Variants in GTF2H1 observed in about 807,000 individuals in gnomAD.
GTF2H1 encodes general transcription factor IIH subunit 1.
A neutral mutation model predicts 71.2 loss-of-function variants in GTF2H1; 16 were observed. The observed-to-expected ratio is 0.22, with a 90% confidence interval of 0.15 to 0.34. GTF2H1 has a LOEUF of 0.34. GTF2H1 is among the 10% of genes least tolerant of loss of function. The pLI is 1.00. For missense variants in GTF2H1, 498 were observed against 648.2 expected, an observed-to-expected ratio of 0.77 and a Z score of 2.52; for synonymous variants, 215 against 219.0, an observed-to-expected ratio of 0.98 and a Z score of 0.16.
intron 5 of GTF2H1, among the ~76,000 whole-genome samples, chr11:18,340,896 A>C (rs1429488665): frequency 6.6e-6 from 1 of 152,158 alleles, no homozygotes; most frequent in African/African-American, 2.4e-5. Context: ...AGTCCAGTGG[A>C]TATTGAGATC....
At chr11:18,338,696 A>G (rs1316794988) in intron 4 of GTF2H1, among the ~76,000 whole-genome samples, 1 of 152,174 alleles carries the variant, frequency 6.6e-6, no homozygotes, top group Non-Finnish European at 1.5e-5. Context: ...AGTTCCTCCC[A>G]TCTTAGCCTC....
chr11:18,366,528 G>A lies in GTF2H1; in HGVS notation c.*659G>A, dbSNP rs556127665. ...TGTGTTTCCTACGGAAATAAGAAAC[G>A]ATAAATATTGCACTGAATGTTTGTG... On this transcript the variant is annotated 3_prime_UTR_variant, in exon 15 of 15. Coordinates refer to ENST00000265963, the MANE Select transcript of GTF2H1 (RefSeq NM_005316.4). The A allele has an allele frequency of 2.0e-5, 3 of 152,722 alleles. No homozygotes were observed. The highest frequency in any genetic ancestry group is 4.1e-4 in the South Asian group (2 of 4,828). 9.5% of individuals were successfully genotyped at this position (152,722 alleles called of 1,614,324 possible). A position where few individuals can be genotyped will look rare whatever the true frequency, so the allele number is the denominator to read the frequency against.
At chr11:18,357,252 G>T (rs1865576695) in intron 11 of GTF2H1, among the ~76,000 whole-genome samples, 1 of 152,092 alleles carries the variant, frequency 6.6e-6, no homozygotes, top group African/African-American at 2.4e-5. Flanking sequence ...CACTTGATAG[G>T]CACTCATCGA....
chr11:18,354,399 C>T (rs2133983544), intron 11 of GTF2H1, among the ~76,000 whole-genome samples: 1 of 152,174 alleles, frequency 6.6e-6, no homozygotes, highest in African/African-American at 2.4e-5. Context: ...ATATAAATAC[C>T]CCATTTGTCA....
rs769588989 is a variant in GTF2H1, at chr11:18,358,033, G to A, written c.1342G>A (p.Ala448Thr). ...ACTTATGCAGGGAGGAACACAGCAA[G>A]CCATAAACCGTATGTGCCGGGCCAT... ...GALMQGGTQQ[A>T]INQMVPNDIQ... Residue 448 changes from alanine to threonine, a missense_variant, in exon 12 of 15, where the codon GCC (alanine) becomes ACC (threonine). Ala to Thr is a moderately conservative substitution (Grantham distance 58, BLOSUM62 0). Transcript: ENST00000265963. The A allele has an allele frequency of 5.6e-6, 9 of 1,610,228 alleles. No homozygotes were observed. The African/African-American group carries it at 1.2e-4, about 22-fold the overall frequency.
intron 7 of GTF2H1, among the ~76,000 whole-genome samples, chr11:18,343,337 G>T (rs1028318040): frequency 2.4e-4 from 36 of 152,120 alleles, no homozygotes; most frequent in African/African-American, 8.7e-4. Context: ...TAGGTAATAG[G>T]CATTATTGTT....
intron 3 of GTF2H1, among the ~76,000 whole-genome samples, chr11:18,337,850 T>C (rs1458491048): frequency 6.6e-6 from 1 of 152,180 alleles, no homozygotes; most frequent in Admixed American, 6.5e-5. Flanking sequence ...ATGAATAAGA[T>C]CAAACCCATG....
chr11:18,324,491 G>A (rs1864711665), intron 1 of GTF2H1, among the ~76,000 whole-genome samples: 1 of 152,158 alleles, frequency 6.6e-6, no homozygotes, highest in South Asian at 2.1e-4. Flanking sequence ...TGTGTGTACT[G>A]CCCTCAAGGC....
At chr11:18,335,997 C>A in intron 3 of GTF2H1, 51 bp downstream of exon 3, 1 of 1,365,320 alleles carries the variant, frequency 7.3e-7, no homozygotes. Flanking sequence ...TCTCTATAGT[C>A]TCCTAGTATG....
chr11:18,346,280 G>A (rs1448953887), intron 7 of GTF2H1, among the ~76,000 whole-genome samples: 1 of 152,052 alleles, frequency 6.6e-6, no homozygotes, highest in Non-Finnish European at 1.5e-5. Context: ...TGAACTCTTC[G>A]GCTCAACAGT....
chr11:18,333,471 G>T, intron 2 of GTF2H1: 1 of 300,296 alleles, frequency 3.3e-6, no homozygotes, highest in Non-Finnish European at 6.1e-6. Context: ...CACTTTAAGA[G>T]TTGCATAATA....
intron 7 of GTF2H1, among the ~76,000 whole-genome samples, chr11:18,345,680 C>T (rs1865275079): frequency 6.6e-6 from 1 of 151,904 alleles, no homozygotes; most frequent in Non-Finnish European, 1.5e-5. Flanking sequence ...ATTTTTAGTA[C>T]AGGGTTTCAC....
intron 4 of GTF2H1, among the ~76,000 whole-genome samples, chr11:18,339,177 G>T (rs564050198): frequency 1.3e-5 from 2 of 152,264 alleles, no homozygotes; most frequent in African/African-American, 4.8e-5. Flanking sequence ...ATGTTTATTA[G>T]TGAAGTGAAT....
intron 2 of GTF2H1, 29 bp from the exon 3 acceptor site, chr11:18,335,725 C>T (rs777964148): frequency 5.2e-6 from 8 of 1,547,966 alleles, no homozygotes; most frequent in Non-Finnish European, 6.2e-6. Context: ...TGAGTGTCAT[C>T]ATCTAACTGC....
chr11:18,344,646 T>TATAAATC (rs1865242766), intron 7 of GTF2H1, among the ~76,000 whole-genome samples: 1 of 149,740 alleles, frequency 6.7e-6, no homozygotes, highest in African/African-American at 2.5e-5. Context: ...AGGATTATAA[T>TATAAATC]ATAAATCAGA....
chr11:18,354,364 T>C (rs1204191936), intron 11 of GTF2H1, among the ~76,000 whole-genome samples: 1 of 152,242 alleles, frequency 6.6e-6, no homozygotes, highest in African/African-American at 2.4e-5. Flanking sequence ...TTAATACATA[T>C]CTTGTGGAGC....
chr11:18,336,083 TTTTGTTTG>T (rs139869794), intron 3 of GTF2H1, 137 bp downstream of exon 3: 1 of 562,118 alleles, frequency 1.8e-6, no homozygotes, highest in Non-Finnish European at 3.0e-6. Flanking sequence ...TTTGTTTTTG[TTTTGTTTG>T]TTTGTTTGTT....
rs780380822 is a variant in GTF2H1, at chr11:18,352,484, T to TA, written c.1260+39dup. The TA allele has an allele frequency of 5.0e-6, 4 of 805,950 alleles. No individual in the cohort carries two copies. In the South Asian group the frequency reaches 5.6e-5, roughly 11 times the overall value. 49.9% of individuals were successfully genotyped at this position (805,950 alleles called of 1,614,324 possible). A position where few individuals can be genotyped will look rare whatever the true frequency, so the allele number is the denominator to read the frequency against. Reference sequence around the variant, plus strand: ...TACTGTTTGAAGGCCAGAATTCCCATAGTTCCTTCCTCAGTTTATGAGCAC... The same window carrying TA: ...TACTGTTTGAAGGCCAGAATTCCCATAAGTTCCTTCCTCAGTTTATGAGCAC... On this transcript the variant is annotated intron_variant, in intron 11 of 14. Coordinates refer to ENST00000265963, the MANE Select transcript of GTF2H1 (RefSeq NM_005316.4).
chr11:18,361,997 T>A (rs1228330471), intron 14 of GTF2H1, among the ~76,000 whole-genome samples: 2 of 152,224 alleles, frequency 1.3e-5, no homozygotes, highest in African/African-American at 2.4e-5. Context: ...TTGGAAAGAA[T>A]AGTACAGTCA....
Sources: gnomAD v4.1 joint callset for allele counts (sites outside exome capture counted in the v4.1 genomes callset) on GRCh38, gnomAD v4.1.1 for gene constraint, MANE v1.5 for transcripts, NCBI Gene and HGNC (gene_info 2026-07-23, HGNC 2026-07-21) for gene names.